IQCB1: variants seen among roughly 807,000 people sequenced by gnomAD.
IQCB1 encodes the protein IQ calmodulin-binding motif-containing protein 1.
A neutral mutation model predicts 84.4 loss-of-function variants in IQCB1; 56 were observed. The ratio of observed to expected loss-of-function variants is 0.66; its 90% CI spans 0.54 to 0.83. The LOEUF (loss-of-function observed/expected upper bound fraction) is 0.83, where lower values mean the gene tolerates loss of function less well. Ranked by LOEUF, IQCB1 falls within the 40% of genes least tolerant of loss-of-function variation. The pLI is 0.00. For missense variants in IQCB1, 629 were observed against 682.1 expected (o/e 0.92, Z 0.87); for synonymous variants, 210 against 234.8 (o/e 0.89, Z 0.96).
intron 14 of IQCB1, among the ~76,000 whole-genome samples, chr3:121,772,194 T>C (rs1231468762): frequency 6.6e-6 from 1 of 151,976 alleles, no homozygotes; most frequent in African/African-American, 2.4e-5. Context: ...TAAAAAAAAA[T>C]TTATAAAATG....
At chr3:121,814,494 A>C (rs2108609607) in intron 5 of IQCB1, among the ~76,000 whole-genome samples, 1 of 152,296 alleles carries the variant, frequency 6.6e-6, no homozygotes. Flanking sequence ...TTTTCTGAAA[A>C]GATTAACAAA....
intron 9 of IQCB1, 61 bp from the exon 10 acceptor site, chr3:121,795,627 T>G (rs1196016738): frequency 4.5e-6 from 4 of 898,416 alleles, no homozygotes; most frequent in African/African-American, 1.7e-5. Flanking sequence ...AAAAAAAAAG[T>G]TTACCTCTTA....
intron 13 of IQCB1, 28 bp from the exon 14 acceptor site, chr3:121,772,741 C>T (rs755767421): frequency 6.2e-7 from 1 of 1,612,764 alleles, no homozygotes; most frequent in South Asian, 1.1e-5. Context: ...AAAAACCTGT[C>T]ACAGAGAGGA....
intron 7 of IQCB1, among the ~76,000 whole-genome samples, chr3:121,801,561 G>C (rs889289417): frequency 6.6e-6 from 1 of 151,798 alleles, no homozygotes; most frequent in Non-Finnish European, 1.5e-5. Context: ...CATAATTTTT[G>C]TTTTAAACAG....
intron 12 of IQCB1, among the ~76,000 whole-genome samples, chr3:121,785,237 T>C (rs751367020): frequency 2.0e-5 from 3 of 151,904 alleles, no homozygotes; most frequent in Non-Finnish European, 4.4e-5. Flanking sequence ...GAAAGGATAT[T>C]CCTACTCCTT....
chr3:121,789,773 A>G (rs1948882806), intron 11 of IQCB1, among the ~76,000 whole-genome samples: 1 of 152,238 alleles, frequency 6.6e-6, no homozygotes, highest in African/African-American at 2.4e-5. Flanking sequence ...TTTCAGTTCA[A>G]GAAGTATCTT....
intron 7 of IQCB1, among the ~76,000 whole-genome samples, chr3:121,802,935 A>G (rs1949465283): frequency 6.6e-6 from 1 of 152,160 alleles, no homozygotes; most frequent in Non-Finnish European, 1.5e-5. Context: ...AGTTATTTAG[A>G]TGAATGTTAT....
chr3:121,775,007 G>A (rs150204012), intron 13 of IQCB1, among the ~76,000 whole-genome samples: 2 of 152,166 alleles, frequency 1.3e-5, no homozygotes, highest in African/African-American at 4.8e-5. Context: ...GTGGGGCTTG[G>A]GTATGTAATT....
At chr3:121,827,695 G>A (rs1360233980) in intron 4 of IQCB1, among the ~76,000 whole-genome samples, 5 of 152,086 alleles carry the variant, frequency 3.3e-5, no homozygotes, top group Non-Finnish European at 7.4e-5. Flanking sequence ...AAGTAACACA[G>A]TAGGATTAAG....
intron 2 of IQCB1, among the ~76,000 whole-genome samples, chr3:121,831,013 A>T (rs1411463273): frequency 1.3e-5 from 2 of 152,106 alleles, no homozygotes; most frequent in African/African-American, 4.8e-5. Context: ...TATCCATTGA[A>T]ATCTCCATAA....
At chr3:121,773,888 A>AG (rs1003708664) in intron 13 of IQCB1, among the ~76,000 whole-genome samples, 10 of 152,116 alleles carry the variant, frequency 6.6e-5, no homozygotes, top group African/African-American at 2.2e-4. Context: ...GAAAAAAAAA[A>AG]CAACAACAAA....
intron 12 of IQCB1, among the ~76,000 whole-genome samples, chr3:121,784,150 G>A (rs1576547904): frequency 6.8e-6 from 1 of 147,810 alleles, no homozygotes; most frequent in Admixed American, 6.7e-5. Context: ...CAAATGTTTG[G>A]CTGTTTGACC....
chr3:121,795,269 T>C (rs1436957469), intron 10 of IQCB1, among the ~76,000 whole-genome samples, 188 bp downstream of exon 10: 1 of 152,112 alleles, frequency 6.6e-6, no homozygotes, highest in Non-Finnish European at 1.5e-5. Flanking sequence ...ATCAGATTCC[T>C]GTCTTACATC....
intron 13 of IQCB1, among the ~76,000 whole-genome samples, chr3:121,774,498 T>C (rs1948142198): frequency 6.6e-6 from 1 of 152,240 alleles, no homozygotes; most frequent in South Asian, 2.1e-4. Flanking sequence ...CACAGTAGCA[T>C]TATTCACAAT....
chr3:121,781,835 GTTTC>G lies in IQCB1; in HGVS notation c.1314_1317del (p.Lys438AsnfsTer20), dbSNP rs1256998237. 6.2e-7 allele frequency: 1 copy of G among 1,613,860 alleles called. No individual in the cohort carries two copies. The highest frequency in any genetic ancestry group is 1.1e-5 in the South Asian group (1 of 91,072). Reference sequence around the variant, plus strand: ...TGGAGTCCTCGCCAAGGAGCAAATAGTTTCTTTTTCTTACGGCACTTCGCTAGGA... The same window carrying G: ...TGGAGTCCTCGCCAAGGAGCAAATAGTTTTTCTTACGGCACTTCGCTAGGA... On this transcript the variant is annotated frameshift_variant, in exon 13 of 15. Transcript: ENST00000310864. LOFTEE classifies it high-confidence loss of function.
chr3:121,787,015 G>A (rs1302364964), intron 12 of IQCB1, among the ~76,000 whole-genome samples: 1 of 152,170 alleles, frequency 6.6e-6, no homozygotes, highest in African/African-American at 2.4e-5. Flanking sequence ...TAACCCCTTA[G>A]ATGGCTTTGT....
chr3:121,792,681 A>AAG (rs1279094950), intron 10 of IQCB1, among the ~76,000 whole-genome samples: 2 of 151,758 alleles, frequency 1.3e-5, no homozygotes, highest in African/African-American at 4.8e-5. Context: ...AAAAAAAAAA[A>AAG]AAGTGAGATT....
At chr3:121,774,071 T>C (rs920418321) in intron 13 of IQCB1, among the ~76,000 whole-genome samples, 1 of 137,430 alleles carries the variant, frequency 7.3e-6, no homozygotes, top group Non-Finnish European at 1.6e-5. Context: ...AAAAACAACC[T>C]GATTAAAAAA....
intron 6 of IQCB1, among the ~76,000 whole-genome samples, chr3:121,808,150 A>G (rs1159626876): frequency 6.6e-6 from 1 of 151,942 alleles, no homozygotes; most frequent in Non-Finnish European, 1.5e-5. Context: ...AGTTATACTA[A>G]CTGAACGTAG....
Sources: allele counts gnomAD v4.1 joint callset (sites outside exome capture counted in the v4.1 genomes callset), GRCh38; gene constraint gnomAD v4.1.1; transcripts MANE v1.5; gene names NCBI Gene and HGNC (gene_info 2026-07-23, HGNC 2026-07-21).